STRC: variants seen among roughly 807,000 people sequenced by gnomAD.
STRC encodes the protein stereocilin.
STRC carries 43 observed loss-of-function variants against 103.5 expected under a neutral mutation model. The observed-to-expected ratio is 0.42, with a 90% CI of 0.33 to 0.54. The LOEUF (loss-of-function observed/expected upper bound fraction) is 0.54. STRC is among the 20% of genes least tolerant of loss of function. The pLI is 0.14. For missense variants in STRC, 499 were observed against 1,088.5 expected (o/e 0.46, Z 7.62); for synonymous variants, 186 against 442.3 (o/e 0.42, Z 7.27).
chr15:43,606,999 CAAA>C (rs1366473498), intron 18 of STRC, among the ~76,000 whole-genome samples: 8 of 62,224 alleles, frequency 1.3e-4, no homozygotes, highest in Non-Finnish European at 1.4e-4. Flanking sequence ...AACTCTGTCT[CAAA>C]AAAAAAAAAA....
chr15:43,603,224 T>C lies in STRC; in HGVS notation c.4545+18A>G. On this transcript the variant is annotated intron_variant, in intron 23 of 28. Coordinates refer to ENST00000450892, the MANE Select transcript of STRC (RefSeq NM_153700.2). ...TAGCTTCCTCATGGCCAACCCCAGT[T>C]GGCTCTCCATCCCTAACCTGTTTTG... 2 of 1,612,716 alleles carry C rather than the reference T, an allele frequency of 1.2e-6. No homozygotes were observed. Among genetic ancestry groups the C allele is most frequent in the Non-Finnish European group, 1.7e-6 (2 of 1,179,442 alleles).
At chr15:43,604,272 TC>T (rs2085695989) in intron 21 of STRC, 88 bp downstream of exon 21, 1 of 1,595,844 alleles carries the variant, frequency 6.3e-7, no homozygotes, top group African/African-American at 1.3e-5. Context: ...AGGCTTCATA[TC>T]CTTTGCCCTC....
intron 23 of STRC, 90 bp downstream of exon 23, chr15:43,603,152 C>T: frequency 1.4e-6 from 2 of 1,418,346 alleles, no homozygotes. Flanking sequence ...CTTCCCCCAC[C>T]TCTCATCCAA....
chr15:43,617,311 C>CT, intron 3 of STRC, 147 bp downstream of exon 3: 1 of 127,378 alleles, frequency 7.9e-6, no homozygotes, highest in Non-Finnish European at 1.3e-5. Flanking sequence ...AGAGGTGGAG[C>CT]TGGGACACCA....
intron 23 of STRC, among the ~76,000 whole-genome samples, chr15:43,602,982 TAAAG>T (rs1567117020): frequency 2.6e-5 from 4 of 151,604 alleles, no homozygotes; most frequent in African/African-American, 7.3e-5. Context: ...GAAAAAAAAA[TAAAG>T]AAAAAAATCT....
chr15:43,607,955 C>T lies in STRC; in HGVS notation c.3702G>A (p.Glu1234=), dbSNP rs62018890. 0.17 allele frequency: 268,882 copies of T among 1,608,708 alleles called. 28,113 individuals carry two copies. Among genetic ancestry groups the T allele is most frequent in the Middle Eastern group, 0.25 (1,502 of 6,044 alleles). ...RGSLRACIWA[E]LQRRMAMPEP... ...CTGGCATTGCCATCCTCCGCTGTAG[C>T]TCTGCCCAGATACAGGCCCTCTGTA... The change falls in exon 18 of 29, where the codon GAG becomes GAA. Residue 1234 remains glutamate (E), a synonymous_variant. Coordinates refer to ENST00000450892, the MANE Select transcript of STRC (RefSeq NM_153700.2).
In STRC at chr15:43,603,915, G is replaced by A. The variant is rs1460443615; in HGVS notation, c.4375+81C>T. ...TTATAAATTAGAAAACCCAGTCCCA[G>A]GGAAGAGCACATGTAGAACCCAGAC... On this transcript the variant is annotated intron_variant, in intron 22 of 28. Coordinates refer to ENST00000450892, the MANE Select transcript of STRC (RefSeq NM_153700.2). 1.9e-6 allele frequency: 3 copies of A among 1,606,622 alleles called. No individual in the cohort carries two copies. In the Admixed American group the frequency reaches 5.0e-5, roughly 27 times the overall value.
At position 43,604,351 on chromosome 15, in the gene STRC, T is replaced by A. The variant is rs541294775; in HGVS notation, c.4218+10A>T. ...TGCATTTACTCCCTTCCCTTCTTCC[T>A]TCATCTCACCCTGGGGATCAAGGAA... On this transcript the variant is annotated intron_variant, in intron 21 of 28. Transcript: ENST00000450892. 35 of 1,564,452 alleles carry A rather than the reference T, an allele frequency of 2.2e-5. No homozygotes were observed. The Admixed American group carries it at 4.3e-4, about 19-fold the overall frequency.
chr15:43,603,470 T>C, intron 22 of STRC, 59 bp from the exon 23 acceptor site: 19 of 1,551,568 alleles, frequency 1.2e-5, no homozygotes, highest in South Asian at 5.6e-5. Flanking sequence ...CCCAGAGAGA[T>C]ATCTGTAGAT....
rs2614834 is a variant in STRC, at chr15:43,605,406, C to T, written c.3795-7G>A. On this transcript the variant is annotated splice_polypyrimidine_tract_variant and splice_region_variant and intron_variant, in intron 18 of 28. Coordinates refer to ENST00000450892, the MANE Select transcript of STRC (RefSeq NM_153700.2). ...TCTGTCCATCAACTGGATCCTATTA[C>T]AGCAATTTGACAACAACAGGATTCA... The T allele has an allele frequency of 9.7e-5, 155 of 1,599,584 alleles. 3 individuals are homozygous for T. The South Asian group carries it at 1.2e-3, about 12-fold the overall frequency.
intron 24 of STRC, 40 bp downstream of exon 24, chr15:43,601,356 T>C (rs1333286822): frequency 1.9e-6 from 3 of 1,611,292 alleles, no homozygotes; most frequent in Non-Finnish European, 2.5e-6. Context: ...GTCTGTGGGA[T>C]GGGTGTTTGG....
At chr15:43,601,342 C>A in intron 24 of STRC, 54 bp downstream of exon 24, 1 of 1,609,566 alleles carries the variant, frequency 6.2e-7, no homozygotes. Context: ...ATCTATAGGG[C>A]TGGGTCTGTG....
chr15:43,603,416 AG>A lies in STRC; in HGVS notation c.4376-6del, dbSNP rs1203116181. On this transcript the variant is annotated splice_polypyrimidine_tract_variant and splice_region_variant and intron_variant, in intron 22 of 28. Coordinates refer to ENST00000450892, the MANE Select transcript of STRC (RefSeq NM_153700.2). ...CTGCACAATTTGGCACAGGTTCTGA[AG>A]GGGGAAGGCAGGGCCAGGAGGTCAG... The A allele has an allele frequency of 6.2e-7, 1 of 1,612,954 alleles. No homozygotes were observed. The highest frequency in any genetic ancestry group is 8.5e-7 in the Non-Finnish European group (1 of 1,179,770).
At chr15:43,609,451 C>T in intron 15 of STRC, 117 bp from the exon 16 acceptor site, 1 of 864,712 alleles carries the variant, frequency 1.2e-6, no homozygotes, top group Middle Eastern at 2.3e-4. Flanking sequence ...TCTGTGGGAC[C>T]CACCAGCCTC....
chr15:43,608,725 A>G (rs1184874171), intron 16 of STRC, among the ~76,000 whole-genome samples: 6 of 60,534 alleles, frequency 9.9e-5, no homozygotes, highest in South Asian at 4.9e-4. Context: ...GACTGTCTCG[A>G]AAAAAAAAAA....
At chr15:43,601,576 G>A (rs2085669278) in intron 23 of STRC, 25 bp from the exon 24 acceptor site, 1 of 1,612,796 alleles carries the variant, frequency 6.2e-7, no homozygotes. Context: ...GGAACAATGT[G>A]AGTGGAAAAG....
Position 43,600,589 on chromosome 15 carries a change from A to C in STRC, c.4938T>G (p.Phe1646Leu). The change falls in exon 26 of 29, where the codon TTT (phenylalanine) becomes TTG (leucine). Residue 1646 changes from phenylalanine (F) to leucine (L), a missense_variant. Coordinates refer to ENST00000450892, the MANE Select transcript of STRC (RefSeq NM_153700.2). The part of the protein sequence containing the change: ...LAHLLVLPGG[F>L]GPISNWGPEI... ...CAGGCCCCCAGTTACTGATTGGGCC[A>C]AACCCACCAGGCAGTACAAGTAGGT... 6.2e-7 allele frequency: 1 copy of C among 1,613,664 alleles called. No homozygotes were observed. Among genetic ancestry groups the C allele is most frequent in the Non-Finnish European group, 8.5e-7 (1 of 1,179,834 alleles).
rs775159378 is a variant in STRC, at chr15:43,600,641, G to A, written c.4886C>T (p.Ser1629Phe). ...GGCCAGAACCTCCAGTTGTTCCTCA[G>A]AGCACTGGAGATGCAGGGTGCCGAG... ...LFLGTLHLQC[S>F]EEQLEVLAHL... The change falls in exon 26 of 29, where the codon TCT (serine) becomes TTT (phenylalanine). Residue 1629 changes from serine to phenylalanine, a missense_variant. Ser to Phe is a radical substitution (Grantham distance 155, BLOSUM62 -2). Coordinates refer to ENST00000450892, the MANE Select transcript of STRC (RefSeq NM_153700.2). 1.9e-6 allele frequency: 3 copies of A among 1,613,630 alleles called. No homozygotes were observed. Among genetic ancestry groups the A allele is most frequent in the African/African-American group, 2.7e-5 (2 of 74,818 alleles).
intron 23 of STRC, among the ~76,000 whole-genome samples, chr15:43,601,949 A>G (rs532082416): frequency 3.3e-5 from 5 of 151,368 alleles, no homozygotes; most frequent in Admixed American, 3.3e-4. Context: ...GTGAAACCCC[A>G]TCTCTACCAA....
Sources: allele counts gnomAD v4.1 joint callset (sites outside exome capture counted in the v4.1 genomes callset), GRCh38; gene constraint gnomAD v4.1.1; transcripts MANE v1.5; gene names NCBI Gene and HGNC (gene_info 2026-07-23, HGNC 2026-07-21).